The following DHODH variants were observed in gnomAD, a reference collection of about 807,000 sequenced individuals.
DHODH encodes the protein dihydroorotate dehydrogenase (quinone).
Under a neutral mutation model 39.7 loss-of-function variants are expected in DHODH, and 30 were observed. That is an observed-to-expected ratio of 0.76 (90% CI 0.57 to 1.02). DHODH has a LOEUF of 1.02. Among genes scored for constraint, DHODH ranks in the 50% least tolerant of loss-of-function variants. The pLI is 0.00. For missense variants in DHODH, 531 were observed against 520.8 expected, an observed-to-expected ratio of 1.02 and a Z score of -0.19; for synonymous variants, 222 against 213.8, an observed-to-expected ratio of 1.04 and a Z score of -0.34.
In DHODH at chr16:72,026,552, T is replaced by C. The variant is rs1455534222; in HGVS notation, c.*2353T>C. 6.6e-6 allele frequency: 1 copy of C among 152,000 alleles called. No individual in the cohort carries two copies. Among genetic ancestry groups the C allele is most frequent in the African/African-American group, 2.4e-5 (1 of 41,332 alleles). 9.4% of individuals were successfully genotyped at this position (152,000 alleles called of 1,614,324 possible). A position where few individuals can be genotyped will look rare whatever the true frequency, so the allele number is the denominator to read the frequency against. ...CATGCCACTGTGCCCTGCTAATTTT[T>C]GTATTTTTAGTAGAGACGGGGTTTC... is the stretch of plus-strand genomic sequence containing the variant. On this transcript the variant is annotated 3_prime_UTR_variant, in exon 9 of 9. Transcript: ENST00000219240.
chr16:72,014,124 TA>T (rs1165145233), intron 2 of DHODH, among the ~76,000 whole-genome samples: 1 of 152,178 alleles, frequency 6.6e-6, no homozygotes, highest in African/African-American at 2.4e-5. Flanking sequence ...CCACCAAGGC[TA>T]GTTGATAAGA....
chr16:72,018,387 G>A (rs755341930), intron 4 of DHODH, among the ~76,000 whole-genome samples: 9 of 152,170 alleles, frequency 5.9e-5, no homozygotes, highest in African/African-American at 9.7e-5. Context: ...TCAGATTTGG[G>A]GAATAGGAAA....
At chr16:72,013,908 G>C (rs1204817563) in intron 2 of DHODH, 1 of 164,096 alleles carries the variant, frequency 6.1e-6, no homozygotes, top group Non-Finnish European at 1.3e-5. Flanking sequence ...GAGCCCATCA[G>C]TCAGTTCTGC....
Position 72,014,682 on chromosome 16 carries a change from C to T in DHODH, c.434+10C>T, listed in dbSNP as rs200251747. 2.9e-5 allele frequency: 47 copies of T among 1,613,732 alleles called. No individual in the cohort carries two copies. Among genetic ancestry groups the T allele is most frequent in the East Asian group, 1.1e-4 (5 of 44,884 alleles). On this transcript the variant is annotated intron_variant, in intron 3 of 8. Transcript: ENST00000219240. ...AAGCTGTCATTAACAGGTAGGTGAGCGGCCCAGAGTTAACGGGGGATGCCC... is the reference window on the plus strand; with the variant it reads ...AAGCTGTCATTAACAGGTAGGTGAGTGGCCCAGAGTTAACGGGGGATGCCC...
intron 4 of DHODH, among the ~76,000 whole-genome samples, chr16:72,020,719 C>A (rs76575311): frequency 6.6e-6 from 1 of 152,060 alleles, no homozygotes; most frequent in Admixed American, 6.6e-5. Context: ...TCCAGTCAAC[C>A]GAGCCAAGGC....
intron 2 of DHODH, among the ~76,000 whole-genome samples, chr16:72,014,059 G>A (rs1249962739): frequency 3.3e-5 from 5 of 152,146 alleles, no homozygotes; most frequent in South Asian, 4.1e-4. Context: ...TGCTTGACAC[G>A]CCTTGGTTTC....
chr16:72,014,440 A>G (rs1239448330), intron 2 of DHODH, 33 bp from the exon 3 acceptor site: 2 of 1,594,922 alleles, frequency 1.3e-6, no homozygotes, highest in Non-Finnish European at 1.7e-6. Context: ...GGATAGCCTT[A>G]GCGTGCCTCT....
intron 4 of DHODH, chr16:72,020,331 A>ATATATATATATATATATATATGTG (rs1567572722): frequency 5.8e-3 from 151 of 26,080 alleles, no homozygotes; most frequent in East Asian, 0.02. Context: ...GTATATGTGT[A>ATATATATATATATATATATATGTG]TATATATATA....
At chr16:72,012,564 G>C (rs891751168) in intron 2 of DHODH, among the ~76,000 whole-genome samples, 7 of 152,160 alleles carry the variant, frequency 4.6e-5, no homozygotes, top group Non-Finnish European at 8.8e-5. Context: ...CAACATAAAG[G>C]AACTCAAGTC....
Position 72,027,473 on chromosome 16 carries a change from C to T in DHODH, c.*3274C>T, listed in dbSNP as rs2041286137. ...CTTAATGCTGGAAGCCACACTCAGACACCAGAGCAGCTCTCAATGCTGGGA... is the reference window on the plus strand; with the variant it reads ...CTTAATGCTGGAAGCCACACTCAGATACCAGAGCAGCTCTCAATGCTGGGA... On this transcript the variant is annotated 3_prime_UTR_variant, in exon 9 of 9. Coordinates refer to ENST00000219240, the MANE Select transcript of DHODH (RefSeq NM_001361.5). The T allele has an allele frequency of 6.6e-6, 1 of 152,206 alleles. No individual in the cohort carries two copies. Among genetic ancestry groups the T allele is most frequent in the South Asian group, 2.1e-4 (1 of 4,824 alleles). The allele number at this position is 152,206 out of a possible 1,614,324, so 9.4% of individuals were successfully genotyped here.
At chr16:72,010,768 C>T (rs1023479057) in intron 1 of DHODH, among the ~76,000 whole-genome samples, 7 of 152,156 alleles carry the variant, frequency 4.6e-5, no homozygotes, top group East Asian at 1.9e-4. Flanking sequence ...CTGACTCTGT[C>T]GCCCAGGTGG....
At chr16:72,009,454 G>C (rs140629801) in intron 1 of DHODH, among the ~76,000 whole-genome samples, 4,112 of 129,358 alleles carry the variant, frequency 0.032, 75 homozygotes, top group East Asian at 0.057. Context: ...AGTGAGCCGA[G>C]ATTGCGCCAC....
At chr16:72,022,147 G>A (rs1321698077) in intron 5 of DHODH, among the ~76,000 whole-genome samples, 2 of 151,264 alleles carry the variant, frequency 1.3e-5, no homozygotes, top group African/African-American at 2.4e-5. Flanking sequence ...TGAGCTATTA[G>A]CCAATGTCCA....
At chr16:72,017,847 C>T (rs377035805) in intron 4 of DHODH, among the ~76,000 whole-genome samples, 1 of 140,628 alleles carries the variant, frequency 7.1e-6, no homozygotes, top group Non-Finnish European at 1.5e-5. Context: ...TCTCGGCTCA[C>T]TGCAAGCTCT....
chr16:72,021,449 C>A, intron 5 of DHODH, 138 bp downstream of exon 5: 1 of 871,978 alleles, frequency 1.1e-6, no homozygotes, highest in Non-Finnish European at 1.8e-6. Flanking sequence ...CCTGGCTATA[C>A]CTTCCCAGAG....
chr16:72,018,965 T>C (rs1187912213), intron 4 of DHODH, among the ~76,000 whole-genome samples: 1 of 152,176 alleles, frequency 6.6e-6, no homozygotes, highest in Admixed American at 6.5e-5. Flanking sequence ...CTAATTGGAT[T>C]CTTTGTTTCT....
chr16:72,012,963 A>G (rs1373370500), intron 2 of DHODH, among the ~76,000 whole-genome samples: 2 of 152,188 alleles, frequency 1.3e-5, no homozygotes, highest in African/African-American at 4.8e-5. Flanking sequence ...ACCGAATAAA[A>G]GAGTCCCCAT....
chr16:72,008,786 G>A lies in DHODH; in HGVS notation c.21+1G>A, dbSNP rs1373098095. ...GAGCATGGCGTGGAGACACCTGAAAGTGAGTCCCGCGAGTGAGCAGTGTGG... is the reference window on the plus strand; with the variant it reads ...GAGCATGGCGTGGAGACACCTGAAAATGAGTCCCGCGAGTGAGCAGTGTGG... On this transcript the variant is annotated splice_donor_variant, in intron 1 of 8. Coordinates refer to ENST00000219240, the MANE Select transcript of DHODH (RefSeq NM_001361.5). LOFTEE classifies it high-confidence loss of function. The A allele has an allele frequency of 6.4e-7, 1 of 1,552,090 alleles. No individual in the cohort carries two copies. Among genetic ancestry groups the A allele is most frequent in the Non-Finnish European group, 8.7e-7 (1 of 1,147,150 alleles).
Position 72,026,957 on chromosome 16 carries a change from ATTTGTGTGTGTGTGTGTGTG to A in DHODH, c.*2760_*2779del, listed in dbSNP as rs2041280742. On this transcript the variant is annotated 3_prime_UTR_variant, in exon 9 of 9. Transcript: ENST00000219240. ...AGGTGCCCACTACCACACCCAGCTAATTTGTGTGTGTGTGTGTGTGTGTGTGTGTGTGTGTGTGTGTGTGT... is the reference window on the plus strand; with the variant it reads ...AGGTGCCCACTACCACACCCAGCTAATGTGTGTGTGTGTGTGTGTGTGTGT... The A allele has an allele frequency of 9.4e-6, 1 of 106,578 alleles. No homozygotes were observed. The highest frequency in any genetic ancestry group is 3.7e-5 in the African/African-American group (1 of 26,728). The allele number at this position is 106,578 out of a possible 1,614,324, so 6.6% of individuals were successfully genotyped here.
Sources: allele counts gnomAD v4.1 joint callset (sites outside exome capture counted in the v4.1 genomes callset), GRCh38; gene constraint gnomAD v4.1.1; transcripts MANE v1.5; gene names NCBI Gene and HGNC (gene_info 2026-07-23, HGNC 2026-07-21).